The following EPYC variants were observed in gnomAD, a reference collection of about 807,000 sequenced individuals.
EPYC encodes dermatan sulfate proteoglycan 3.
Under a neutral mutation model 30.1 loss-of-function variants are expected in EPYC, and 28 were observed. The ratio of observed to expected loss-of-function variants is 0.93; its 90% confidence interval spans 0.69 to 1.28. EPYC has a LOEUF of 1.28. EPYC is among the 50% of genes most tolerant of loss of function. EPYC has a pLI of 0.00. For missense variants in EPYC, 382 were observed against 383.5 expected, an observed-to-expected ratio of 1.00 and a Z score of 0.03; for synonymous variants, 144 against 141.4, an observed-to-expected ratio of 1.02 and a Z score of -0.13.
At chr12:90,997,151 T>C (rs1877712138) in intron 2 of EPYC, among the ~76,000 whole-genome samples, 1 of 152,064 alleles carries the variant, frequency 6.6e-6, no homozygotes, top group Non-Finnish European at 1.5e-5. Context: ...CATAACTTAA[T>C]GTCATTGTAA....
At chr12:90,994,022 C>T (rs1436264999) in intron 2 of EPYC, among the ~76,000 whole-genome samples, 2 of 152,074 alleles carry the variant, frequency 1.3e-5, no homozygotes, top group African/African-American at 4.8e-5. Context: ...AGCTACAGAT[C>T]TCGTATACAT....
chr12:90,992,410 C>G (rs1369812102), intron 2 of EPYC, among the ~76,000 whole-genome samples: 1 of 152,104 alleles, frequency 6.6e-6, no homozygotes, highest in African/African-American at 2.4e-5. Flanking sequence ...GGGTAGACTT[C>G]TTGAAATCCA....
At chr12:91,002,603 T>A in intron 1 of EPYC, 25 bp from the exon 2 acceptor site, 1 of 1,508,962 alleles carries the variant, frequency 6.6e-7, no homozygotes, top group Non-Finnish European at 9.0e-7. Context: ...TTAAAATGCA[T>A]AAATATTTAA....
Position 91,002,447 on chromosome 12 carries a change from A to G in EPYC, c.119T>C (p.Leu40Pro). The G allele has an allele frequency of 6.2e-7, 1 of 1,613,204 alleles. No individual in the cohort carries two copies. The highest frequency in any genetic ancestry group is 2.2e-5 in the East Asian group (1 of 44,778). The change falls in exon 2 of 7, where the codon CTG becomes CCG. Residue 40 changes from leucine to proline, a missense_variant. Transcript: ENST00000261172. ...SETYDATLED[L>P]DNLYNYENIP... ...GTTTTCATAGTTGTACAAATTATCC[A>G]GGTCTTCTAAGGTGGCATCATAGGT...
Position 90,964,328 on chromosome 12 carries a change from T to TA in EPYC, c.799-3dup. The TA allele has an allele frequency of 1.9e-6, 3 of 1,596,054 alleles. No individual in the cohort carries two copies. Among genetic ancestry groups the TA allele is most frequent in the Non-Finnish European group, 2.6e-6 (3 of 1,165,122 alleles). ...GTGCATTTCCAGAATGTTGTTATTC[T>TA]AAAAAAGATGAAAATAAATTATGAC... On this transcript the variant is annotated splice_polypyrimidine_tract_variant and splice_region_variant and intron_variant, in intron 6 of 6. Transcript: ENST00000261172.
intron 3 of EPYC, among the ~76,000 whole-genome samples, chr12:90,977,215 A>G (rs1042967842): frequency 2.0e-5 from 3 of 152,104 alleles, no homozygotes; most frequent in Admixed American, 6.6e-5. Flanking sequence ...ATTTTTTTCT[A>G]TACTCCCTAA....
chr12:91,002,448 G>A lies in EPYC; in HGVS notation c.118C>T (p.Leu40=). ...SETYDATLED[L]DNLYNYENIP... is the part of the protein sequence containing the mutation. ...TTTTCATAGTTGTACAAATTATCCAGGTCTTCTAAGGTGGCATCATAGGTT... is the reference window on the plus strand; with the variant it reads ...TTTTCATAGTTGTACAAATTATCCAAGTCTTCTAAGGTGGCATCATAGGTT... The change falls in exon 2 of 7, where the codon CTG becomes TTG. Residue 40 remains leucine, a synonymous_variant. Transcript: ENST00000261172. 1 of 1,613,168 alleles carries A rather than the reference G, an allele frequency of 6.2e-7. No individual in the cohort carries two copies. The highest frequency in any genetic ancestry group is 8.5e-7 in the Non-Finnish European group (1 of 1,179,528).
chr12:90,978,015 G>A, intron 3 of EPYC, 73 bp downstream of exon 3: 1 of 1,365,900 alleles, frequency 7.3e-7, no homozygotes, highest in East Asian at 2.7e-5. Flanking sequence ...TGGTTTCCCT[G>A]TAGAGTTGAA....
intron 2 of EPYC, among the ~76,000 whole-genome samples, chr12:90,978,623 A>G (rs1019365612): frequency 2.6e-5 from 4 of 152,248 alleles, no homozygotes; most frequent in African/African-American, 9.6e-5. Flanking sequence ...AAAGCTTCAC[A>G]TTAATTCAGA....
chr12:91,004,684 A>G (rs1215935182), intron 1 of EPYC, among the ~76,000 whole-genome samples: 2 of 152,102 alleles, frequency 1.3e-5, no homozygotes, highest in Non-Finnish European at 2.9e-5. Context: ...CTTAAGGCAT[A>G]TATTGGAAAC....
chr12:91,002,677 T>C, intron 1 of EPYC, 99 bp from the exon 2 acceptor site: 1 of 908,124 alleles, frequency 1.1e-6, no homozygotes, highest in Non-Finnish European at 1.6e-6. Context: ...ATCAAAGAAC[T>C]CAAGCTGGTA....
At chr12:90,970,464 C>T (rs1034056884) in intron 5 of EPYC, among the ~76,000 whole-genome samples, 1 of 152,196 alleles carries the variant, frequency 6.6e-6, no homozygotes, top group African/African-American at 2.4e-5. Flanking sequence ...GAAAGGCATT[C>T]TGCAGTGGGA....
At chr12:90,967,805 T>C (rs1183758840) in intron 6 of EPYC, among the ~76,000 whole-genome samples, 1 of 152,044 alleles carries the variant, frequency 6.6e-6, no homozygotes, top group Admixed American at 6.6e-5. Flanking sequence ...AGACCTGGTC[T>C]CTAAAAAATT....
At chr12:91,001,116 G>A (rs1476310998) in intron 2 of EPYC, among the ~76,000 whole-genome samples, 5 of 152,008 alleles carry the variant, frequency 3.3e-5, no homozygotes, top group African/African-American at 1.2e-4. Context: ...GATGAAATGA[G>A]GGTCAAAAGA....
intron 3 of EPYC, among the ~76,000 whole-genome samples, chr12:90,974,793 C>G (rs370947555): frequency 7.2e-5 from 11 of 151,914 alleles, no homozygotes; most frequent in African/African-American, 2.4e-4. Flanking sequence ...TATCTGACAG[C>G]CTTGAGGGGT....
chr12:90,993,924 A>G (rs1022155966), intron 2 of EPYC, among the ~76,000 whole-genome samples: 5 of 152,182 alleles, frequency 3.3e-5, no homozygotes, highest in Non-Finnish European at 5.9e-5. Flanking sequence ...TAGCTGCCAG[A>G]TTTAAAACTA....
intron 2 of EPYC, among the ~76,000 whole-genome samples, chr12:90,985,726 G>A (rs936727860): frequency 1.3e-5 from 2 of 152,062 alleles, no homozygotes; most frequent in Non-Finnish European, 2.9e-5. Context: ...ACTGGAAGGT[G>A]CACTGCCCTA....
At chr12:90,979,048 C>A (rs1203231616) in intron 2 of EPYC, among the ~76,000 whole-genome samples, 1 of 152,084 alleles carries the variant, frequency 6.6e-6, no homozygotes, top group East Asian at 1.9e-4. Flanking sequence ...AACTGCTTTG[C>A]TCTTATCTAA....
At chr12:90,996,659 T>C (rs113238738) in intron 2 of EPYC, among the ~76,000 whole-genome samples, 2,950 of 152,104 alleles carry the variant, frequency 0.019, 87 homozygotes, top group African/African-American at 0.067. Flanking sequence ...ATGGCACTTC[T>C]CTTTACAAGG....
Sources: allele counts gnomAD v4.1 joint callset (sites outside exome capture counted in the v4.1 genomes callset), GRCh38; gene constraint gnomAD v4.1.1; transcripts MANE v1.5; gene names NCBI Gene and HGNC (gene_info 2026-07-23, HGNC 2026-07-21).